DIP2C: variants seen among roughly 807,000 people sequenced by gnomAD.
DIP2C encodes the protein DIP2 acetate--CoA ligase C (putative).
Under a neutral mutation model 192.4 loss-of-function variants are expected in DIP2C, and 33 were observed. That is an observed-to-expected ratio of 0.17 (90% CI 0.13 to 0.23). The LOEUF is 0.23. DIP2C is among the 10% of genes least tolerant of loss of function. The probability of loss-of-function intolerance (pLI) is 1.00; values close to 1 mark genes in which losing one functional copy is unlikely to be tolerated. For missense variants in DIP2C, 1,537 were observed against 2,110.1 expected (o/e 0.73, Z 5.32); for synonymous variants, 979 against 864.1 (o/e 1.13, Z -2.33).
At chr10:510,662 C>A (rs182783121) in intron 1 of DIP2C, among the ~76,000 whole-genome samples, 1 of 152,236 alleles carries the variant, frequency 6.6e-6, no homozygotes, top group Non-Finnish European at 1.5e-5. Context: ...GCAGCACAGA[C>A]GGAAATCTAG....
In DIP2C at chr10:345,085, G is replaced by A; in HGVS notation, c.3257C>T (p.Thr1086Met). 1.2e-6 allele frequency: 2 copies of A among 1,613,034 alleles called. No individual in the cohort carries two copies. The highest frequency in any genetic ancestry group is 8.5e-7 in the Non-Finnish European group (1 of 1,179,870). Residue 1086 changes from threonine (T) to methionine (M), a missense_variant, in exon 27 of 37, where the codon ACG (threonine) becomes ATG (methionine). Thr to Met is a moderately conservative substitution (Grantham distance 81). Around this residue, in one of 4 missense-constraint regions of DIP2C, gnomAD observed 677 missense variants for 989.9 expected, o/e 0.68. Coordinates refer to ENST00000280886, the MANE Select transcript of DIP2C (RefSeq NM_014974.3). ...CAGCAACTTACAGATCAGCTGTGTC[G>A]TCATCAGACAGGCAGAGCGACTCAC... is the stretch of plus-strand genomic sequence containing the variant. ...VEVSRSACLM[T>M]TQLICKLLRS...
intron 1 of DIP2C, among the ~76,000 whole-genome samples, chr10:523,676 G>A (rs997515955): frequency 2.1e-5 from 3 of 143,438 alleles, no homozygotes; most frequent in South Asian, 2.2e-4. Context: ...CTGGAGTGAC[G>A]ATGCAGGGAC....
chr10:581,918 C>T (rs968255183), intron 1 of DIP2C, among the ~76,000 whole-genome samples: 6 of 152,220 alleles, frequency 3.9e-5, no homozygotes, highest in East Asian at 1.9e-4. Flanking sequence ...TTTACGTGGA[C>T]GACAATTTTT....
intron 36 of DIP2C, 30 bp from the exon 37 acceptor site, chr10:277,607 T>A (rs756209649): frequency 5.6e-6 from 9 of 1,610,972 alleles, no homozygotes. Flanking sequence ...GCCATCATTA[T>A]ATGTTTATTA....
chr10:597,228 G>T (rs550687819), intron 1 of DIP2C, among the ~76,000 whole-genome samples: 26 of 152,300 alleles, frequency 1.7e-4, no homozygotes, highest in African/African-American at 6.0e-4. Context: ...AGACCTGGGT[G>T]GGATCTGCAC....
At chr10:534,770 G>A (rs1313333008) in intron 1 of DIP2C, among the ~76,000 whole-genome samples, 6 of 150,668 alleles carry the variant, frequency 4.0e-5, no homozygotes, top group South Asian at 4.2e-4. Context: ...TCCGCTTCCC[G>A]GGTTCACGCC....
chr10:589,135 G>A (rs956096623), intron 1 of DIP2C, among the ~76,000 whole-genome samples: 19 of 152,244 alleles, frequency 1.2e-4, no homozygotes, highest in Non-Finnish European at 2.5e-4. Context: ...CGTCCTTCTC[G>A]ATGGAGCACC....
At chr10:433,701 A>G (rs771084410) in intron 4 of DIP2C, among the ~76,000 whole-genome samples, 2 of 152,096 alleles carry the variant, frequency 1.3e-5, no homozygotes, top group African/African-American at 2.4e-5. Context: ...AAATAAATAA[A>G]TTAGTGTTAA....
intron 4 of DIP2C, among the ~76,000 whole-genome samples, chr10:428,983 TATC>T (rs1966766534): frequency 6.6e-6 from 1 of 152,100 alleles, no homozygotes; most frequent in South Asian, 2.1e-4. Context: ...CAGCGTCCCC[TATC>T]ATCAACATTG....
chr10:288,568 A>G (rs1955285579), intron 32 of DIP2C, 147 bp from the exon 33 acceptor site: 1 of 775,438 alleles, frequency 1.3e-6, no homozygotes, highest in East Asian at 2.6e-5. Flanking sequence ...CTGCAGAAAG[A>G]GCAGCCCAGC....
At chr10:414,734 T>TG (rs1965445656) in intron 7 of DIP2C, among the ~76,000 whole-genome samples, 2 of 86,598 alleles carry the variant, frequency 2.3e-5, no homozygotes. Context: ...TGTGTGTGTG[T>TG]GTGTGTACAT....
At chr10:447,670 C>T (rs1236791859) in intron 3 of DIP2C, among the ~76,000 whole-genome samples, 34 of 129,768 alleles carry the variant, frequency 2.6e-4, no homozygotes, top group African/African-American at 6.2e-4. Flanking sequence ...CAATCACCCC[C>T]ATTGATATTC....
chr10:431,651 T>C (rs896594950), intron 4 of DIP2C, among the ~76,000 whole-genome samples: 1 of 152,212 alleles, frequency 6.6e-6, no homozygotes, highest in African/African-American at 2.4e-5. Context: ...TAAACTCAAT[T>C]CTTTTGGATC....
chr10:602,308 T>A (rs932473177), intron 1 of DIP2C, among the ~76,000 whole-genome samples: 1 of 152,188 alleles, frequency 6.6e-6, no homozygotes, highest in Admixed American at 6.5e-5. Flanking sequence ...GTCTTCCTCT[T>A]GCAGCAAATG....
At chr10:343,016 A>C (rs975930949) in intron 28 of DIP2C, among the ~76,000 whole-genome samples, 2 of 152,214 alleles carry the variant, frequency 1.3e-5, no homozygotes, top group Non-Finnish European at 2.9e-5. Context: ...ACGGCTGGGC[A>C]AGGTGGCTCA....
At chr10:296,260 C>CG (rs1554808305) in intron 32 of DIP2C, among the ~76,000 whole-genome samples, 1 of 152,184 alleles carries the variant, frequency 6.6e-6, no homozygotes, top group Non-Finnish European at 1.5e-5. Context: ...TTAGGTCTAA[C>CG]ATTAAGTCTT....
intron 3 of DIP2C, among the ~76,000 whole-genome samples, chr10:467,007 A>G (rs1379645744): frequency 1.3e-5 from 2 of 150,932 alleles, no homozygotes; most frequent in Admixed American, 6.6e-5. Flanking sequence ...TAGAAATACC[A>G]TTTGACCCAG....
chr10:577,275 C>T (rs1588500085), intron 1 of DIP2C, among the ~76,000 whole-genome samples: 1 of 152,166 alleles, frequency 6.6e-6, no homozygotes, highest in Admixed American at 6.5e-5. Flanking sequence ...CATGTAAATA[C>T]AGTTTATCAC....
chr10:505,237 G>A (rs1845514232), intron 1 of DIP2C, among the ~76,000 whole-genome samples: 1 of 152,154 alleles, frequency 6.6e-6, no homozygotes, highest in Non-Finnish European at 1.5e-5. Context: ...TCAACACAGA[G>A]TCACTAACTT....
Sources: gnomAD v4.1 joint callset for allele counts (sites outside exome capture counted in the v4.1 genomes callset) on GRCh38, gnomAD v4.1.1 for gene constraint, gnomAD v4.1.1 regional missense constraint, MANE v1.5 for transcripts, NCBI Gene and HGNC (gene_info 2026-07-23, HGNC 2026-07-21) for gene names.